Variants in RPS6KA5 observed in about 807,000 individuals in gnomAD.
RPS6KA5 encodes the protein ribosomal protein S6 kinase alpha-5.
Under a neutral mutation model 85.5 loss-of-function variants are expected in RPS6KA5, and 27 were observed. The ratio of observed to expected loss-of-function variants is 0.32; its 90% confidence interval spans 0.23 to 0.44. The LOEUF is 0.44. Ranked by LOEUF, RPS6KA5 falls within the 20% of genes least tolerant of loss-of-function variation. The pLI, the probability that RPS6KA5 is intolerant of heterozygous loss-of-function variation, is 1.00. For missense variants in RPS6KA5, 811 were observed against 980.9 expected (o/e 0.83, Z 2.31); for synonymous variants, 334 against 348.2 (o/e 0.96, Z 0.46).
intron 7 of RPS6KA5, among the ~76,000 whole-genome samples, chr14:90,919,935 G>A (rs1566741219): frequency 6.6e-6 from 1 of 152,094 alleles, no homozygotes; most frequent in African/African-American, 2.4e-5. Flanking sequence ...CTAAGTGTAA[G>A]ACAATATGCT....
chr14:90,941,353 A>C (rs1283539285), intron 5 of RPS6KA5, among the ~76,000 whole-genome samples: 3 of 151,946 alleles, frequency 2.0e-5, no homozygotes, highest in Admixed American at 1.3e-4. Flanking sequence ...ATCTATGGAG[A>C]TTTTGTTCTT....
intron 1 of RPS6KA5, among the ~76,000 whole-genome samples, chr14:91,036,524 A>G (rs1238715294): frequency 6.6e-6 from 1 of 152,234 alleles, no homozygotes; most frequent in Non-Finnish European, 1.5e-5. Context: ...ATGTACTTGT[A>G]TGAGCCTGGG....
At chr14:90,928,328 T>C (rs2036792328) in intron 5 of RPS6KA5, among the ~76,000 whole-genome samples, 1 of 152,032 alleles carries the variant, frequency 6.6e-6, no homozygotes, top group Admixed American at 6.6e-5. Context: ...AAAGATTAAA[T>C]ATTAGTGAGC....
chr14:90,936,609 A>C (rs1046705992), intron 5 of RPS6KA5, among the ~76,000 whole-genome samples: 1 of 152,144 alleles, frequency 6.6e-6, no homozygotes, highest in African/African-American at 2.4e-5. Flanking sequence ...TATTTGACAA[A>C]TATCTCTAGA....
rs149940278 is a variant in RPS6KA5, at chr14:90,891,216, G to A, written c.1645-538C>T. Among the ~76,000 whole-genome samples, 219 of 150,902 alleles carry A rather than the reference G, an allele frequency of 1.5e-3. 2 individuals carry two copies. Among genetic ancestry groups the A allele is most frequent in the Non-Finnish European group, 3.2e-4 (22 of 67,832 alleles). The stretch of plus-strand genomic sequence containing the variant: ...AGGGCCTGGCACAGACATAGAGTAG[G>A]TGCTTTGGTAAACATGTGTTCATTG... On this transcript the variant is annotated intron_variant, in intron 13 of 16. Coordinates refer to ENST00000614987, the MANE Select transcript of RPS6KA5 (RefSeq NM_004755.4).
chr14:90,981,660 G>A (rs1334268474), intron 2 of RPS6KA5, among the ~76,000 whole-genome samples: 4 of 152,290 alleles, frequency 2.6e-5, no homozygotes, highest in African/African-American at 9.6e-5. Context: ...TCATCTATCA[G>A]ACAATGTCAG....
At chr14:91,059,573 A>G (rs1401525491) in intron 1 of RPS6KA5, among the ~76,000 whole-genome samples, 2 of 152,194 alleles carry the variant, frequency 1.3e-5, no homozygotes, top group Non-Finnish European at 2.9e-5. Flanking sequence ...TACACCACGA[A>G]TACATTTAAT....
rs551077988 is a variant in RPS6KA5 at position 90,975,871 on chromosome 14, G to T, written c.394+2435C>A. Among the ~76,000 whole-genome samples, 183 of 152,298 alleles carry T rather than the reference G, an allele frequency of 1.2e-3. 2 individuals are homozygous for T. Among genetic ancestry groups the T allele is most frequent in the Non-Finnish European group, 1.3e-3 (91 of 68,034 alleles). ...ATAATTGTGTTAAATAAATTAATGT[G>T]AACAGAAGATAGAAGGGCATGATTT... On this transcript the variant is annotated intron_variant, in intron 3 of 16. Transcript: ENST00000614987.
intron 2 of RPS6KA5, among the ~76,000 whole-genome samples, chr14:90,981,639 C>A (rs1387472423): frequency 1.3e-5 from 2 of 152,312 alleles, no homozygotes; most frequent in East Asian, 3.9e-4. Context: ...ACTCTGCCAA[C>A]GCAATTGTGT....
At chr14:91,030,130 A>G (rs1196648922) in intron 1 of RPS6KA5, among the ~76,000 whole-genome samples, 1 of 152,180 alleles carries the variant, frequency 6.6e-6, no homozygotes, top group East Asian at 1.9e-4. Context: ...ACCTGTAATC[A>G]CCAAAGGCAG....
chr14:91,030,894 G>A (rs115040784), intron 1 of RPS6KA5, among the ~76,000 whole-genome samples: 3,433 of 151,854 alleles, frequency 0.023, 97 homozygotes, highest in African/African-American at 0.066. Context: ...AACAACAGGA[G>A]ATTAAAAAAA....
At chr14:91,045,363 C>A (rs950230508) in intron 1 of RPS6KA5, among the ~76,000 whole-genome samples, 4 of 150,736 alleles carry the variant, frequency 2.7e-5, no homozygotes, top group African/African-American at 9.8e-5. Flanking sequence ...GTCCCAGGTT[C>A]AAGCAATTCT....
At position 90,856,029 on chromosome 14, in the gene RPS6KA5, C is replaced by A. The variant is rs954695586; in HGVS notation, c.*16045G>T. The stretch of plus-strand genomic sequence containing the variant: ...CAAAGTAAGAAATTAAACTTTAGGG[C>A]AAAGATACAAGTAATGATAAGCTGG... On this transcript the variant is annotated 3_prime_UTR_variant, in exon 17 of 17. Coordinates refer to ENST00000614987, the MANE Select transcript of RPS6KA5 (RefSeq NM_004755.4). The A allele has an allele frequency of 6.6e-6, 1 of 152,138 alleles. No homozygotes were observed. The highest frequency in any genetic ancestry group is 1.5e-5 in the Non-Finnish European group (1 of 68,034). 9.4% of individuals were successfully genotyped at this position (152,138 alleles called of 1,614,324 possible).
rs1464398057 is a variant in RPS6KA5 at position 91,035,863 on chromosome 14, A to C, written c.103+24469T>G. 4.2e-5 allele frequency among the ~76,000 whole-genome samples: 6 copies of C among 144,200 alleles called. No homozygotes were observed. In the East Asian group the frequency reaches 7.8e-4, roughly 19 times the overall value. The allele number at this position is 144,200 out of a possible 152,430, so 94.6% of individuals were successfully genotyped here. A position where few individuals can be genotyped will look rare whatever the true frequency, so the allele number is the denominator to read the frequency against. ...CCTCACCTTCAAAAAAAAAAAAAAA[A>C]AAAAAAAAAAAAAAAAAACCCCAAA... On this transcript the variant is annotated intron_variant, in intron 1 of 16. Coordinates refer to ENST00000614987, the MANE Select transcript of RPS6KA5 (RefSeq NM_004755.4).
At chr14:90,894,381 T>C in intron 13 of RPS6KA5, 32 bp downstream of exon 13, 1 of 1,597,800 alleles carries the variant, frequency 6.3e-7, no homozygotes, top group South Asian at 1.1e-5. Flanking sequence ...GGTGCTAGAC[T>C]GAATTACGTA....
chr14:90,964,870 G>A (rs1420359657), intron 3 of RPS6KA5, among the ~76,000 whole-genome samples: 1 of 142,122 alleles, frequency 7.0e-6, no homozygotes, highest in Non-Finnish European at 1.5e-5. Context: ...GGCCATGATA[G>A]TGCCACTGCA....
Position 90,866,712 on chromosome 14 carries a change from T to C in RPS6KA5, c.*5362A>G, listed in dbSNP as rs747365486. On this transcript the variant is annotated 3_prime_UTR_variant, in exon 17 of 17. Transcript: ENST00000614987. ...CATTTTTACCAGCTATACTTTAAAA[T>C]GCCAGTCTTTAAAAATTCCTCTATG... 3 of 152,236 alleles carry C rather than the reference T, an allele frequency of 2.0e-5. No individual in the cohort carries two copies. Among genetic ancestry groups the C allele is most frequent in the Non-Finnish European group, 4.4e-5 (3 of 68,032 alleles). The allele number at this position is 152,236 out of a possible 1,614,324, so 9.4% of individuals were successfully genotyped here.
At chr14:90,889,688 C>A (rs2034443451) in intron 14 of RPS6KA5, among the ~76,000 whole-genome samples, 1 of 151,980 alleles carries the variant, frequency 6.6e-6, no homozygotes, top group Non-Finnish European at 1.5e-5. Flanking sequence ...TTCAGAGACT[C>A]AAAATACAGG....
At chr14:90,971,882 G>A (rs905742263) in intron 3 of RPS6KA5, among the ~76,000 whole-genome samples, 1 of 152,218 alleles carries the variant, frequency 6.6e-6, no homozygotes, top group South Asian at 2.1e-4. Context: ...TTCAGGGCAG[G>A]CTAAGAAGGA....
Sources: allele counts gnomAD v4.1 joint callset (sites outside exome capture counted in the v4.1 genomes callset), GRCh38; gene constraint gnomAD v4.1.1; transcripts MANE v1.5; gene names NCBI Gene and HGNC (gene_info 2026-07-23, HGNC 2026-07-21).